Variants in OTUD7A observed in about 807,000 individuals in gnomAD.
The protein encoded by OTUD7A is OTU domain-containing protein 7A.
A neutral mutation model predicts 65.7 loss-of-function variants in OTUD7A; 12 were observed. The observed-to-expected ratio is 0.18, with a 90% confidence interval of 0.12 to 0.30. OTUD7A has a LOEUF of 0.30. OTUD7A is among the 10% of genes least tolerant of loss of function. The pLI, the probability that OTUD7A is intolerant of heterozygous loss-of-function variation, is 1.00. For missense variants in OTUD7A, 1,148 were observed against 1,304.8 expected (o/e 0.88, Z 1.85); for synonymous variants, 641 against 586.3 (o/e 1.09, Z -1.35).
chr15:31,667,754 T>G (rs546601875), intron 1 of OTUD7A, among the ~76,000 whole-genome samples: 3 of 152,306 alleles, frequency 2.0e-5, no homozygotes, highest in Admixed American at 6.5e-5. Flanking sequence ...TCCCGTGTGA[T>G]TTATGCTTTA....
chr15:31,685,584 G>A (rs1051389156), intron 1 of OTUD7A, among the ~76,000 whole-genome samples: 7 of 152,142 alleles, frequency 4.6e-5, no homozygotes, highest in East Asian at 1.9e-4. Context: ...GTGTGAACCC[G>A]AGAGGTGGAG....
intron 9 of OTUD7A, 91 bp downstream of exon 9, chr15:31,503,600 G>A (rs947007936): frequency 1.3e-6 from 2 of 1,530,314 alleles, no homozygotes; most frequent in Non-Finnish European, 1.8e-6. Flanking sequence ...TGGCCTCTGG[G>A]AGCTCGACCT....
intron 1 of OTUD7A, chr15:31,767,705 T>C (rs1251350764): frequency 1.4e-6 from 1 of 721,852 alleles, no homozygotes; most frequent in Admixed American, 2.0e-5. Flanking sequence ...TTGATCTTCA[T>C]TTATTATTTC....
At chr15:31,626,894 G>T (rs200412248) in intron 3 of OTUD7A, among the ~76,000 whole-genome samples, 23 of 139,490 alleles carry the variant, frequency 1.6e-4, no homozygotes, top group Admixed American at 8.0e-4. Flanking sequence ...TTTTTTTTTT[G>T]TTTTGTTTTT....
At chr15:31,560,261 A>G (rs542803254) in intron 4 of OTUD7A, among the ~76,000 whole-genome samples, 1 of 152,278 alleles carries the variant, frequency 6.6e-6, no homozygotes, top group Non-Finnish European at 1.5e-5. Context: ...TGGCCCTCCC[A>G]GGACACACAA....
intron 5 of OTUD7A, among the ~76,000 whole-genome samples, chr15:31,540,731 A>G (rs571616456): frequency 1.3e-5 from 2 of 152,354 alleles, no homozygotes; most frequent in South Asian, 4.1e-4. Flanking sequence ...ATATTTATGC[A>G]TATACTAATG....
chr15:31,592,905 ATATATATATATATAT>A (rs1251695739), intron 3 of OTUD7A, among the ~76,000 whole-genome samples: 1 of 32,236 alleles, frequency 3.1e-5, no homozygotes, highest in African/African-American at 1.7e-4. Flanking sequence ...AAAAAAAAAA[ATATATATATATATAT>A]ATATATATAT....
chr15:31,636,157 T>C (rs1891336395), intron 3 of OTUD7A, among the ~76,000 whole-genome samples: 1 of 152,236 alleles, frequency 6.6e-6, no homozygotes, highest in South Asian at 2.1e-4. Context: ...TACTGCATTT[T>C]CTTTTTACAA....
intron 8 of OTUD7A, among the ~76,000 whole-genome samples, chr15:31,517,904 G>A (rs1444983187): frequency 6.6e-6 from 1 of 152,152 alleles, no homozygotes; most frequent in African/African-American, 2.4e-5. Context: ...TCATAGATAA[G>A]GAAGCCAGTC....
At chr15:31,645,455 C>G (rs1321177344) in intron 3 of OTUD7A, among the ~76,000 whole-genome samples, 1 of 152,160 alleles carries the variant, frequency 6.6e-6, no homozygotes, top group Non-Finnish European at 1.5e-5. Flanking sequence ...CAGGTTTAAT[C>G]AAAATCAACT....
At chr15:31,755,721 CAAA>C (rs371440352) in intron 1 of OTUD7A, among the ~76,000 whole-genome samples, 1 of 124,634 alleles carries the variant, frequency 8.0e-6, no homozygotes, top group African/African-American at 3.2e-5. Flanking sequence ...GACTCTGTCT[CAAA>C]AAAAAAAAAA....
rs188044144 is a variant in OTUD7A at position 31,788,214 on chromosome 15, A to G, written c.-100+82293T>C. Among the ~76,000 whole-genome samples the G allele has an allele frequency of 4.2e-3, 638 of 152,292 alleles. 2 individuals carry two copies. The highest frequency in any genetic ancestry group is 5.5e-3 in the Non-Finnish European group (374 of 68,010). Reference sequence around the variant, plus strand: ...AATGCCTTAAATCAGCCTTGTAGACACTAAGAAATATGCGTAAGACTTTGC... The same window carrying G: ...AATGCCTTAAATCAGCCTTGTAGACGCTAAGAAATATGCGTAAGACTTTGC... On this transcript the variant is annotated intron_variant, in intron 1 of 12. Coordinates refer to ENST00000307050, the MANE Select transcript of OTUD7A (RefSeq NM_001382637.1).
intron 1 of OTUD7A, among the ~76,000 whole-genome samples, chr15:31,856,346 C>T (rs1012270600): frequency 6.6e-6 from 1 of 152,096 alleles, no homozygotes. Context: ...GAAAATGACT[C>T]CCATTTTACT....
chr15:31,682,559 GACA>G (rs1262299719), intron 1 of OTUD7A, among the ~76,000 whole-genome samples: 1 of 152,174 alleles, frequency 6.6e-6, no homozygotes, highest in Non-Finnish European at 1.5e-5. Context: ...TAAAACAAAA[GACA>G]ACTGATTTTT....
chr15:31,819,960 A>G (rs1234658998), intron 1 of OTUD7A, among the ~76,000 whole-genome samples: 1 of 152,158 alleles, frequency 6.6e-6, no homozygotes, highest in Admixed American at 6.5e-5. Flanking sequence ...CCACACTGTG[A>G]AATGGTTATC....
Position 31,483,108 on chromosome 15 carries a change from T to C in OTUD7A, c.*186A>G, listed in dbSNP as rs2041156282. On this transcript the variant is annotated 3_prime_UTR_variant, in exon 13 of 13. Coordinates refer to ENST00000307050, the MANE Select transcript of OTUD7A (RefSeq NM_001382637.1). ...AACAGTATGACTTGTTTCCTATCCGTCTACTACCTGAGTGGCGTCAGTGTA... is the reference window on the plus strand; with the variant it reads ...AACAGTATGACTTGTTTCCTATCCGCCTACTACCTGAGTGGCGTCAGTGTA... 1.9e-5 allele frequency: 8 copies of C among 416,940 alleles called. No homozygotes were observed. The highest frequency in any genetic ancestry group is 2.6e-5 in the Non-Finnish European group (8 of 304,208). 25.8% of individuals were successfully genotyped at this position (416,940 alleles called of 1,614,324 possible). A position where few individuals can be genotyped will look rare whatever the true frequency, so the allele number is the denominator to read the frequency against.
chr15:31,702,358 T>C (rs1200241607), intron 1 of OTUD7A, among the ~76,000 whole-genome samples: 1 of 142,500 alleles, frequency 7.0e-6, no homozygotes, highest in Non-Finnish European at 1.5e-5. Flanking sequence ...AGATGTCTAA[T>C]GCAGAAAACC....
At chr15:31,508,790 G>A (rs2041623860) in intron 8 of OTUD7A, among the ~76,000 whole-genome samples, 1 of 152,274 alleles carries the variant, frequency 6.6e-6, no homozygotes. Context: ...TCTGGGGCTT[G>A]AGGCCCCATG....
rs201603029 is a variant in OTUD7A at position 31,628,168 on chromosome 15, G to A, written c.151+26928C>T. On this transcript the variant is annotated intron_variant, in intron 3 of 12. Transcript: ENST00000307050. Reference sequence around the variant, plus strand: ...TGTTTTAGACATGAAGTCCTTGCCCGTGCCTATGTCCTGAATGGTATTGCC... The same window carrying A: ...TGTTTTAGACATGAAGTCCTTGCCCATGCCTATGTCCTGAATGGTATTGCC... 3.0e-3 allele frequency among the ~76,000 whole-genome samples: 450 copies of A among 152,154 alleles called. 5 individuals carry two copies. Among genetic ancestry groups the A allele is most frequent in the African/African-American group, 0.01 (422 of 41,526 alleles).
Sources: gnomAD v4.1 joint callset for allele counts (sites outside exome capture counted in the v4.1 genomes callset) on GRCh38, gnomAD v4.1.1 for gene constraint, MANE v1.5 for transcripts, NCBI Gene and HGNC (gene_info 2026-07-23, HGNC 2026-07-21) for gene names.